Variants in ABLIM1 observed in about 807,000 individuals in gnomAD.
ABLIM1 encodes the protein actin binding LIM protein 1.
In ABLIM1, 40 loss-of-function variants were observed where a neutral mutation model predicts 107.0. The ratio of observed to expected loss-of-function variants is 0.37; its 90% confidence interval spans 0.29 to 0.49. ABLIM1 has a LOEUF of 0.49. ABLIM1 is among the 20% of genes least tolerant of loss of function. ABLIM1 has a pLI of 0.97. For missense variants in ABLIM1, 857 were observed against 1,008.5 expected (o/e 0.85, Z 2.04); for synonymous variants, 357 against 357.3 (o/e 1.00, Z 0.01).
chr10:114,446,230 A>G (rs1449738845), intron 15 of ABLIM1, among the ~76,000 whole-genome samples: 1 of 152,234 alleles, frequency 6.6e-6, no homozygotes, highest in African/African-American at 2.4e-5. Flanking sequence ...CTCTTAGTAA[A>G]TTCAATAAAA....
At chr10:114,574,882 G>T (rs2072275628) in intron 3 of ABLIM1, among the ~76,000 whole-genome samples, 1 of 152,146 alleles carries the variant, frequency 6.6e-6, no homozygotes, top group African/African-American at 2.4e-5. Context: ...GGACCATATG[G>T]TCTCTGTCGC....
chr10:114,591,103 A>C (rs1350433391), intron 2 of ABLIM1, among the ~76,000 whole-genome samples: 1 of 152,186 alleles, frequency 6.6e-6, no homozygotes, highest in Non-Finnish European at 1.5e-5. Context: ...CAACTGTCTC[A>C]CTATATTTAT....
At chr10:114,566,838 C>T (rs1048479508) in intron 4 of ABLIM1, among the ~76,000 whole-genome samples, 1 of 152,136 alleles carries the variant, frequency 6.6e-6, no homozygotes, top group Non-Finnish European at 1.5e-5. Context: ...CACTTGAGGT[C>T]GGGAGTTAGA....
intron 9 of ABLIM1, 40 bp downstream of exon 9, chr10:114,473,839 A>C (rs375903623): frequency 5.4e-6 from 8 of 1,495,192 alleles, no homozygotes; most frequent in Non-Finnish European, 7.4e-6. Flanking sequence ...CCACTAATTT[A>C]CCTGTCCCAG....
intron 1 of ABLIM1, among the ~76,000 whole-genome samples, chr10:114,738,252 G>A (rs947210732): frequency 1.3e-5 from 2 of 152,142 alleles, no homozygotes; most frequent in Non-Finnish European, 2.9e-5. Context: ...GCTTTGCCAT[G>A]TTGGCCAGGC....
At chr10:114,613,558 A>T in intron 1 of ABLIM1, 1 of 694,276 alleles carries the variant, frequency 1.4e-6, no homozygotes, top group Non-Finnish European at 2.2e-6. Flanking sequence ...GAAGCTTTTC[A>T]TTCAAGTGCT....
chr10:114,715,370 C>G lies in ABLIM1; in HGVS notation c.-213+52691G>C, dbSNP rs185113243. ...TCCGAGCCCCTTCCTTCAATTCTTT[C>G]CAAGTAAAATCAGTTGCTAGAAAAG... On this transcript the variant is annotated intron_variant, in intron 1 of 15. Transcript: ENST00000651092. Among the ~76,000 whole-genome samples the G allele has an allele frequency of 2.8e-3, 432 of 152,296 alleles. 2 individuals carry two copies. Among genetic ancestry groups the G allele is most frequent in the African/African-American group, 9.8e-3 (408 of 41,574 alleles).
intron 4 of ABLIM1, among the ~76,000 whole-genome samples, chr10:114,548,496 C>G (rs1281711316): frequency 6.6e-6 from 1 of 152,160 alleles, no homozygotes; most frequent in Non-Finnish European, 1.5e-5. Context: ...TGGGTTTCTT[C>G]TTAGGGAAGT....
Position 114,569,726 on chromosome 10 carries a change from G to C in ABLIM1, c.673+1571C>G, listed in dbSNP as rs2071364899. Among the ~76,000 whole-genome samples, 3 of 152,276 alleles carry C rather than the reference G, an allele frequency of 2.0e-5. No homozygotes were observed. In the South Asian group the frequency reaches 6.2e-4, roughly 32 times the overall value. ...CCTTCCCAGTGACCAGAGGCTAACT[G>C]TATCTCTTGTGTTTGGGGCAGGGTA... On this transcript the variant is annotated intron_variant, in intron 4 of 22. Coordinates refer to ENST00000533213, the MANE Select transcript of ABLIM1 (RefSeq NM_002313.7).
chr10:114,627,305 T>A (rs1334311203), intron 1 of ABLIM1, among the ~76,000 whole-genome samples: 1 of 152,220 alleles, frequency 6.6e-6, no homozygotes, highest in South Asian at 2.1e-4. Flanking sequence ...GTTTAAGAGC[T>A]GCCTGCTTCA....
intron 1 of ABLIM1, among the ~76,000 whole-genome samples, chr10:114,761,465 G>A (rs2082745109): frequency 6.6e-6 from 1 of 152,094 alleles, no homozygotes; most frequent in Non-Finnish European, 1.5e-5. Context: ...AATTCCTCAT[G>A]CCAAAGTTAG....
At chr10:114,609,036 C>A (rs1236120893) in intron 1 of ABLIM1, among the ~76,000 whole-genome samples, 2 of 151,890 alleles carry the variant, frequency 1.3e-5, no homozygotes, top group Non-Finnish European at 2.9e-5. Flanking sequence ...AAATAGCTCT[C>A]TCAGTCCCAA....
intron 1 of ABLIM1, chr10:114,690,089 C>T: frequency 1.0e-6 from 1 of 1,001,900 alleles, no homozygotes; most frequent in Non-Finnish European, 1.5e-6. Flanking sequence ...GGAGGGTGCT[C>T]TCCTGAGCTA....
intron 1 of ABLIM1, among the ~76,000 whole-genome samples, chr10:114,719,755 G>A (rs763650260): frequency 1.2e-3 from 187 of 152,288 alleles, no homozygotes; most frequent in Non-Finnish European, 2.2e-3. Flanking sequence ...GGTGGCCTCT[G>A]TGAAAAATCC....
At chr10:114,536,227 G>GTTTTTTTT (rs536435789) in intron 6 of ABLIM1, among the ~76,000 whole-genome samples, 5 of 56,260 alleles carry the variant, frequency 8.9e-5, no homozygotes, top group African/African-American at 4.2e-4. Context: ...TTCTTTCTTT[G>GTTTTTTTT]TTTTTTTTTT....
chr10:114,501,705 C>T (rs1303427882), intron 6 of ABLIM1, among the ~76,000 whole-genome samples: 1 of 152,174 alleles, frequency 6.6e-6, no homozygotes, highest in Non-Finnish European at 1.5e-5. Flanking sequence ...GTTTTAGGTT[C>T]ACTGAAAAAT....
intron 2 of ABLIM1, among the ~76,000 whole-genome samples, chr10:114,584,930 T>A (rs1455179453): frequency 1.3e-5 from 2 of 152,168 alleles, no homozygotes; most frequent in Non-Finnish European, 2.9e-5. Context: ...GTTGTAGAAC[T>A]TCGTGTCCAA....
intron 5 of ABLIM1, among the ~76,000 whole-genome samples, chr10:114,546,351 T>C (rs925026847): frequency 2.0e-5 from 3 of 150,640 alleles, no homozygotes; most frequent in African/African-American, 7.3e-5. Flanking sequence ...TGGAGTACAG[T>C]GGTGCGATCT....
chr10:114,449,840 A>G (rs1282725288), intron 14 of ABLIM1, among the ~76,000 whole-genome samples: 1 of 152,212 alleles, frequency 6.6e-6, no homozygotes, highest in Admixed American at 6.5e-5. Flanking sequence ...TTTGGCATGG[A>G]ATGGCTGTTT....
Sources: allele counts gnomAD v4.1 joint callset (sites outside exome capture counted in the v4.1 genomes callset), GRCh38; gene constraint gnomAD v4.1.1; transcripts MANE v1.5; gene names NCBI Gene and HGNC (gene_info 2026-07-23, HGNC 2026-07-21).